SAMD12: variants seen among roughly 807,000 people sequenced by gnomAD.
The protein encoded by SAMD12 is sterile alpha motif domain-containing protein 12.
Under a neutral mutation model 15.0 loss-of-function variants are expected in SAMD12, and 9 were observed. The ratio of observed to expected loss-of-function variants is 0.60; its 90% CI spans 0.36 to 1.05. The LOEUF is 1.05. SAMD12 is among the 50% of genes least tolerant of loss of function. The probability of loss-of-function intolerance (pLI) is 0.01; values close to 1 mark genes in which losing one functional copy is unlikely to be tolerated. For missense variants in SAMD12, 230 were observed against 234.2 expected (o/e 0.98, Z 0.12); for synonymous variants, 86 against 90.1 (o/e 0.96, Z 0.25).
At chr8:118,184,240 T>C in the SAMD12 span, among the ~76,000 whole-genome samples, 1 of 152,136 alleles carries the variant, frequency 6.6e-6, no homozygotes, top group South Asian at 2.1e-4. Context: ...GATTTGGCAA[T>C]GTAATAGAAA....
At chr8:118,206,144 G>T (rs1056135375) in intron 4 of SAMD12, among the ~76,000 whole-genome samples, 1 of 152,044 alleles carries the variant, frequency 6.6e-6, no homozygotes, top group Admixed American at 6.6e-5. Flanking sequence ...TTTTTCTTTT[G>T]TCCAGCTTGT....
At chr8:118,499,965 C>T (rs147894004) in intron 2 of SAMD12, among the ~76,000 whole-genome samples, 9 of 151,528 alleles carry the variant, frequency 5.9e-5, no homozygotes, top group African/African-American at 2.2e-4. Context: ...TAACCACATG[C>T]CTCTTCTCTT....
At chr8:118,594,568 G>A (rs1827672772) in intron 1 of SAMD12, among the ~76,000 whole-genome samples, 1 of 152,054 alleles carries the variant, frequency 6.6e-6, no homozygotes, top group African/African-American at 2.4e-5. Context: ...AAGCTGTGGA[G>A]AAAGTAATAA....
Position 118,307,433 on chromosome 8 carries a change from T to A in SAMD12, c.433+72127A>T, listed in dbSNP as rs922993056. Reference sequence around the variant, plus strand: ...TAAAGCACATGGTCTATGGACCACATGATGAGAAACATTGCTTCTGGGAAG... The same window carrying A: ...TAAAGCACATGGTCTATGGACCACAAGATGAGAAACATTGCTTCTGGGAAG... On this transcript the variant is annotated intron_variant, in intron 4 of 4. Transcript: ENST00000409003. 2.6e-5 allele frequency among the ~76,000 whole-genome samples: 4 copies of A among 152,268 alleles called. No individual in the cohort carries two copies. In the East Asian group the frequency reaches 7.7e-4, roughly 29 times the overall value.
chr8:118,147,981 G>T, the SAMD12 span, among the ~76,000 whole-genome samples: 7,789 of 151,626 alleles, frequency 0.051, 308 homozygotes, highest in South Asian at 0.19. Flanking sequence ...AAGCTGGAGT[G>T]CAGTGGTGTG....
At chr8:118,417,812 T>C (rs1160524591) in intron 3 of SAMD12, among the ~76,000 whole-genome samples, 1 of 152,228 alleles carries the variant, frequency 6.6e-6, no homozygotes, top group Non-Finnish European at 1.5e-5. Context: ...CACCATGCCA[T>C]CTTGTATAAT....
At chr8:118,498,206 T>TA (rs1389482754) in intron 2 of SAMD12, among the ~76,000 whole-genome samples, 1 of 152,186 alleles carries the variant, frequency 6.6e-6, no homozygotes, top group Non-Finnish European at 1.5e-5. Flanking sequence ...GCAACCCATT[T>TA]AATCTTTTCA....
chr8:118,589,653 G>C (rs1450883729), intron 1 of SAMD12, among the ~76,000 whole-genome samples: 2 of 152,172 alleles, frequency 1.3e-5, no homozygotes, highest in Non-Finnish European at 2.9e-5. Context: ...TGATGCTTTA[G>C]ACAAGGGATT....
At chr8:118,513,843 G>A (rs1367808522) in intron 2 of SAMD12, among the ~76,000 whole-genome samples, 1 of 152,146 alleles carries the variant, frequency 6.6e-6, no homozygotes, top group Non-Finnish European at 1.5e-5. Context: ...CAGTTTTGGG[G>A]GAAAATGGGC....
intron 4 of SAMD12, among the ~76,000 whole-genome samples, chr8:118,260,868 C>G (rs1326667408): frequency 6.6e-6 from 1 of 152,104 alleles, no homozygotes; most frequent in Non-Finnish European, 1.5e-5. Flanking sequence ...CCCTGAGGTA[C>G]TGCACCATCT....
chr8:118,288,222 T>C (rs1382071576), intron 4 of SAMD12: 2 of 152,204 alleles, frequency 1.3e-5, no homozygotes, highest in Non-Finnish European at 2.9e-5. Context: ...TACTTATTTA[T>C]TATCCCCATT....
At chr8:118,301,963 T>G (rs1463403821) in intron 4 of SAMD12, among the ~76,000 whole-genome samples, 1 of 151,692 alleles carries the variant, frequency 6.6e-6, no homozygotes, top group Non-Finnish European at 1.5e-5. Flanking sequence ...CAGTGAAAAC[T>G]GAGAAAATTT....
chr8:118,556,193 T>C (rs1255882633), intron 2 of SAMD12, among the ~76,000 whole-genome samples: 11 of 152,230 alleles, frequency 7.2e-5, no homozygotes. Flanking sequence ...ACCAGTGACC[T>C]TAATAAACAA....
At chr8:118,573,283 A>T (rs988055918) in intron 2 of SAMD12, among the ~76,000 whole-genome samples, 1 of 152,100 alleles carries the variant, frequency 6.6e-6, no homozygotes, top group South Asian at 2.1e-4. Flanking sequence ...ACAGGGTTTC[A>T]CCATGTTGGC....
intron 4 of SAMD12, among the ~76,000 whole-genome samples, chr8:118,236,985 T>G (rs536917085): frequency 8.5e-5 from 13 of 152,334 alleles, no homozygotes; most frequent in African/African-American, 3.1e-4. Flanking sequence ...CTGCCACCTC[T>G]GAACTGTGTA....
intron 3 of SAMD12, among the ~76,000 whole-genome samples, chr8:118,381,935 C>T (rs1321765732): frequency 6.6e-6 from 1 of 152,178 alleles, no homozygotes; most frequent in Non-Finnish European, 1.5e-5. Flanking sequence ...GCTGCTGGCA[C>T]ACACAAAGGT....
intron 3 of SAMD12, among the ~76,000 whole-genome samples, chr8:118,399,206 T>C (rs1456987061): frequency 6.6e-6 from 1 of 151,996 alleles, no homozygotes; most frequent in East Asian, 1.9e-4. Flanking sequence ...TTTTTCTTTT[T>C]TTTTTTTTAA....
chr8:118,330,789 C>T (rs184718942), intron 4 of SAMD12, among the ~76,000 whole-genome samples: 125 of 152,052 alleles, frequency 8.2e-4, no homozygotes, highest in African/African-American at 2.7e-3. Flanking sequence ...AAAAGTGGGA[C>T]GGACAGTGGT....
the SAMD12 span, among the ~76,000 whole-genome samples, chr8:118,176,782 C>T: frequency 2.0e-5 from 3 of 152,070 alleles, no homozygotes; most frequent in Non-Finnish European, 4.4e-5. Context: ...TAACAAATTG[C>T]ACATGTACCC....
Sources: allele counts gnomAD v4.1 joint callset (sites outside exome capture counted in the v4.1 genomes callset), GRCh38; gene constraint gnomAD v4.1.1; transcripts MANE v1.5; gene names NCBI Gene and HGNC (gene_info 2026-07-23, HGNC 2026-07-21).